The following ATF3 variants were observed in gnomAD, a reference collection of about 807,000 sequenced individuals.
The protein encoded by ATF3 is cyclic AMP-dependent transcription factor ATF-3.
A neutral mutation model predicts 18.4 loss-of-function variants in ATF3; 10 were observed. That is an observed-to-expected ratio of 0.54 (90% confidence interval 0.34 to 0.92). ATF3 has a LOEUF of 0.92. ATF3 is among the 40% of genes least tolerant of loss of function. ATF3 has a pLI of 0.02. For synonymous variants in ATF3, 78 were observed against 87.9 expected (o/e 0.89, Z 0.63); for missense variants, 183 against 222.3 (o/e 0.82, Z 1.12).
chr1:212,587,992 G>A (rs907024936), intron 1 of ATF3, among the ~76,000 whole-genome samples: 1 of 152,104 alleles, frequency 6.6e-6, no homozygotes, highest in Non-Finnish European at 1.5e-5. Flanking sequence ...AGACCCCTGT[G>A]AGACTCAGCA....
Position 212,619,274 on chromosome 1 carries a change from C to A in ATF3, c.349-84C>A. 6.2e-7 allele frequency: 1 copy of A among 1,611,468 alleles called. No individual in the cohort carries two copies. Among genetic ancestry groups the A allele is most frequent in the Non-Finnish European group, 8.5e-7 (1 of 1,179,806 alleles). On this transcript the variant is annotated intron_variant, in intron 3 of 3. Transcript: ENST00000341491. This position sits in a 1 kb window ranked among gnomAD's most constrained non-coding sequence, Gnocchi z 4.4. ...AGCCCCGGTGTGTCCCAGGTACACCCCTGCATCCAGGCAGCAGCCCAGGCC... is the reference window on the plus strand; with the variant it reads ...AGCCCCGGTGTGTCCCAGGTACACCACTGCATCCAGGCAGCAGCCCAGGCC...
chr1:212,593,585 TA>T (rs1664930801), intron 1 of ATF3, among the ~76,000 whole-genome samples: 1 of 151,024 alleles, frequency 6.6e-6, no homozygotes, highest in Non-Finnish European at 1.5e-5. Flanking sequence ...AAAAGAAAAT[TA>T]AAAAATTAGC....
chr1:212,584,147 C>A (rs1664736015), intron 1 of ATF3, among the ~76,000 whole-genome samples: 1 of 151,782 alleles, frequency 6.6e-6, no homozygotes. Context: ...ATGCTGCATA[C>A]CACTTCTTGA....
At chr1:212,604,854 C>T (rs752318695), upstream of ATF3, among the ~76,000 whole-genome samples, 1 of 152,116 alleles carries the variant, frequency 6.6e-6, no homozygotes, top group African/African-American at 2.4e-5. Flanking sequence ...TGCTCCTAGC[C>T]CAGGATACTT....
intron 1 of ATF3, among the ~76,000 whole-genome samples, chr1:212,609,171 G>C (rs1654768207): frequency 1.3e-5 from 2 of 152,246 alleles, no homozygotes; most frequent in Admixed American, 1.3e-4. Flanking sequence ...GGCGCGAAAG[G>C]TTCCTGGTGA....
At position 212,618,840 on chromosome 1, in the gene ATF3, C is replaced by A; in HGVS notation, c.349-518C>A. 1 of 648,696 alleles carries A rather than the reference C, an allele frequency of 1.5e-6. No homozygotes were observed. The highest frequency in any genetic ancestry group is 2.7e-6 in the Non-Finnish European group (1 of 372,532). The allele number at this position is 648,696 out of a possible 1,614,324, so 40.2% of individuals were successfully genotyped here. On this transcript the variant is annotated intron_variant, in intron 3 of 3. Transcript: ENST00000341491. This position sits in a 1 kb window ranked among gnomAD's most constrained non-coding sequence, Gnocchi z 4.4. ...CAGCAGTCTTTCCAGTGGCTGTGTC[C>A]CTCCTCCAAATGTGGACAGGCCATG...
At position 212,619,523 on chromosome 1, in the gene ATF3, C is replaced by T; in HGVS notation, c.514C>T (p.Gln172Ter). 6.2e-7 allele frequency: 1 copy of T among 1,614,148 alleles called. No individual in the cohort carries two copies. Among genetic ancestry groups the T allele is most frequent in the African/African-American group, 1.3e-5 (1 of 75,014 alleles). ...TPEDERNLFI[Q>*]QIKEGTLQS is the part of the protein sequence containing the mutation. ...AGAAGATGAGAGAAACCTCTTTATC[C>T]AACAGATAAAAGAAGGAACATTGCA... is the stretch of plus-strand genomic sequence containing the variant. Residue 172 changes from glutamine to a stop codon, truncating the protein, a stop_gained, in exon 4 of 4, where the codon CAA (glutamine) becomes TAA (stop). Coordinates refer to ENST00000341491, the MANE Select transcript of ATF3 (RefSeq NM_001674.4). LOFTEE classifies it high-confidence loss of function. This position sits in a 1 kb window ranked among gnomAD's most constrained non-coding sequence, Gnocchi z 4.4.
In ATF3 at chr1:212,619,313, T is replaced by C; in HGVS notation, c.349-45T>C. 4 of 1,612,202 alleles carry C rather than the reference T, an allele frequency of 2.5e-6. No homozygotes were observed. Among genetic ancestry groups the C allele is most frequent in the Non-Finnish European group, 3.4e-6 (4 of 1,179,964 alleles). ...GCAGCCCAGGCCACCCCCTCCTCAC[T>C]GGCCCTTGGCTCCTTTCTTGATGCC... On this transcript the variant is annotated intron_variant, in intron 3 of 3. Coordinates refer to ENST00000341491, the MANE Select transcript of ATF3 (RefSeq NM_001674.4). This position sits in a 1 kb window ranked among gnomAD's most constrained non-coding sequence, Gnocchi z 4.4.
upstream of ATF3, among the ~76,000 whole-genome samples, chr1:212,605,903 C>A (rs1654610690): frequency 6.6e-6 from 1 of 152,188 alleles, no homozygotes; most frequent in Non-Finnish European, 1.5e-5. Flanking sequence ...TGAGGATTAA[C>A]CCCTGAAATC....
intron 1 of ATF3, among the ~76,000 whole-genome samples, chr1:212,577,901 C>G (rs966631678): frequency 6.6e-6 from 1 of 152,196 alleles, no homozygotes; most frequent in Admixed American, 6.5e-5. Flanking sequence ...GTGCAGATAT[C>G]TCTTTGACAT....
intron 2 of ATF3, among the ~76,000 whole-genome samples, chr1:212,616,559 A>C (rs1293664289): frequency 6.6e-6 from 1 of 152,142 alleles, no homozygotes; most frequent in South Asian, 2.1e-4. Context: ...CGGCCTCCCA[A>C]AGTGCTGGGA....
intron 1 of ATF3, among the ~76,000 whole-genome samples, chr1:212,589,476 GAACTA>G (rs562910362): frequency 6.6e-6 from 1 of 152,120 alleles, no homozygotes; most frequent in African/African-American, 2.4e-5. Context: ...ACCCATAGAA[GAACTA>G]AATTATAAAT....
upstream of ATF3, among the ~76,000 whole-genome samples, chr1:212,605,590 A>T (rs578177662): frequency 1.3e-5 from 2 of 152,224 alleles, no homozygotes; most frequent in Non-Finnish European, 2.9e-5. Flanking sequence ...TGTGCACTGA[A>T]CTAAGAAACT....
At chr1:212,587,958 G>C (rs1269966164) in intron 1 of ATF3, among the ~76,000 whole-genome samples, 1 of 151,940 alleles carries the variant, frequency 6.6e-6, no homozygotes, top group South Asian at 2.1e-4. Flanking sequence ...CGGCGGGGGT[G>C]GGGGCGGGTT....
At chr1:212,608,309 G>A (rs1285159702), upstream of ATF3, among the ~76,000 whole-genome samples, 3 of 151,168 alleles carry the variant, frequency 2.0e-5, no homozygotes, top group Non-Finnish European at 4.4e-5. Context: ...GGCTGGGGCC[G>A]GGACCCGCCT....
At chr1:212,601,259 T>C (rs1654475821) in intron 1 of ATF3, among the ~76,000 whole-genome samples, 1 of 152,204 alleles carries the variant, frequency 6.6e-6, no homozygotes, top group Admixed American at 6.5e-5. Flanking sequence ...AATTATGAAA[T>C]AATTGCAAAT....
chr1:212,598,315 AATTT>A (rs544966247), intron 1 of ATF3, among the ~76,000 whole-genome samples: 3 of 152,006 alleles, frequency 2.0e-5, no homozygotes, highest in South Asian at 2.1e-4. Flanking sequence ...TACTTTTTAA[AATTT>A]ATTTATTTTT....
intron 2 of ATF3, among the ~76,000 whole-genome samples, chr1:212,615,476 C>T (rs758002865): frequency 7.2e-5 from 11 of 151,848 alleles, no homozygotes; most frequent in Non-Finnish European, 1.3e-4. Flanking sequence ...AAGCAGGGAG[C>T]GGGGCAGAGA....
intron 1 of ATF3, among the ~76,000 whole-genome samples, chr1:212,571,533 G>A (rs1270836758): frequency 1.3e-5 from 2 of 151,680 alleles, no homozygotes; most frequent in African/African-American, 4.8e-5. Flanking sequence ...TCAGCCTCCT[G>A]AGTAGCTGGG....
Sources: allele counts gnomAD v4.1 joint callset (sites outside exome capture counted in the v4.1 genomes callset), GRCh38; gene constraint gnomAD v4.1.1; non-coding constraint Gnocchi (gnomAD v3.1); transcripts MANE v1.5; gene names NCBI Gene and HGNC (gene_info 2026-07-23, HGNC 2026-07-21).